Variants in PALS2 observed in about 807,000 individuals in gnomAD.
PALS2 encodes protein PALS2.
In PALS2, 27 loss-of-function variants were observed where a neutral mutation model predicts 61.6. The observed-to-expected ratio is 0.44, with a 90% confidence interval of 0.32 to 0.60. The LOEUF is 0.60. PALS2 is among the 20% of genes least tolerant of loss of function. The pLI, the probability that PALS2 is intolerant of heterozygous loss-of-function variation, is 0.05. For missense variants in PALS2, 554 were observed against 639.4 expected (o/e 0.87, Z 1.44); for synonymous variants, 236 against 218.6 (o/e 1.08, Z -0.70).
intron 1 of PALS2, among the ~76,000 whole-genome samples, chr7:24,590,186 A>G (rs1345494558): frequency 6.6e-6 from 1 of 152,144 alleles, no homozygotes; most frequent in African/African-American, 2.4e-5. Context: ...CTTGGGAGGA[A>G]CTGTGCTTAC....
At chr7:24,629,933 A>T (rs1318085313) in intron 2 of PALS2, among the ~76,000 whole-genome samples, 1 of 152,216 alleles carries the variant, frequency 6.6e-6, no homozygotes, top group Admixed American at 6.5e-5. Flanking sequence ...TTCCTCAAGG[A>T]TCTAGAACTA....
At chr7:24,599,667 G>T (rs537493066) in intron 1 of PALS2, among the ~76,000 whole-genome samples, 11 of 151,510 alleles carry the variant, frequency 7.3e-5, no homozygotes, top group African/African-American at 2.7e-4. Context: ...ACCGCACCTG[G>T]CTGTTTTTTG....
chr7:24,676,644 A>G (rs1293897089), intron 9 of PALS2, among the ~76,000 whole-genome samples: 1 of 151,920 alleles, frequency 6.6e-6, no homozygotes, highest in Non-Finnish European at 1.5e-5. Context: ...TCCTTTCCCC[A>G]TTGCTTGTTT....
At chr7:24,630,648 A>G (rs1278768962) in intron 2 of PALS2, among the ~76,000 whole-genome samples, 2 of 152,166 alleles carry the variant, frequency 1.3e-5, no homozygotes, top group East Asian at 1.9e-4. Context: ...AGAAGTCAAT[A>G]CCTGCCTTCA....
chr7:24,622,661 C>G (rs2529090), intron 1 of PALS2, among the ~76,000 whole-genome samples: 23,700 of 149,750 alleles, frequency 0.16, 1,907 homozygotes, highest in Non-Finnish European at 0.17. Context: ...AGTCTGGATG[C>G]CTTTTCTTTA....
chr7:24,604,591 C>T (rs1783831614), intron 1 of PALS2, among the ~76,000 whole-genome samples: 1 of 152,076 alleles, frequency 6.6e-6, no homozygotes, highest in Non-Finnish European at 1.5e-5. Context: ...TGGCCCCAAA[C>T]CATCTCAAAG....
intron 1 of PALS2, among the ~76,000 whole-genome samples, chr7:24,577,862 G>T (rs1360305396): frequency 6.6e-6 from 1 of 152,066 alleles, no homozygotes; most frequent in Non-Finnish European, 1.5e-5. Context: ...ATCAGTATCT[G>T]AAATTATGTT....
In PALS2 at chr7:24,693,395, A is replaced by C. The variant is rs1788565151; in HGVS notation, c.*5781A>C. 1 of 152,200 alleles carries C rather than the reference A, an allele frequency of 6.6e-6. No homozygotes were observed. The highest frequency in any genetic ancestry group is 2.1e-4 in the South Asian group (1 of 4,828). 9.4% of individuals were successfully genotyped at this position (152,200 alleles called of 1,614,324 possible). A position where few individuals can be genotyped will look rare whatever the true frequency, so the allele number is the denominator to read the frequency against. ...CTAGGAGCTTGGAGGAAGCCTAATT[A>C]ACTAAAACAGGAAAAAAGCATACTC... On this transcript the variant is annotated 3_prime_UTR_variant, in exon 12 of 12. Coordinates refer to ENST00000222644, the MANE Select transcript of PALS2 (RefSeq NM_001303037.2).
chr7:24,581,755 A>G (rs939831232), intron 1 of PALS2, among the ~76,000 whole-genome samples: 5 of 152,228 alleles, frequency 3.3e-5, no homozygotes, highest in Admixed American at 2.6e-4. Context: ...ACGTTATTCT[A>G]AAGGCAACTA....
chr7:24,645,381 C>A (rs1785780251), intron 3 of PALS2, among the ~76,000 whole-genome samples: 2 of 152,098 alleles, frequency 1.3e-5, no homozygotes, highest in Non-Finnish European at 2.9e-5. Flanking sequence ...GGAGTCTTTT[C>A]CCCGTTGTTT....
intron 5 of PALS2, among the ~76,000 whole-genome samples, chr7:24,661,856 G>A (rs1786737771): frequency 6.6e-6 from 1 of 152,092 alleles, no homozygotes; most frequent in South Asian, 2.1e-4. Context: ...CATCAATATG[G>A]AGAGGCATCC....
intron 11 of PALS2, among the ~76,000 whole-genome samples, chr7:24,681,177 G>A (rs550416664): frequency 6.6e-6 from 1 of 151,976 alleles, no homozygotes; most frequent in South Asian, 2.1e-4. Context: ...GTAAAGTGGG[G>A]TGTTCTGATG....
chr7:24,595,534 T>C (rs1783483248), intron 1 of PALS2, among the ~76,000 whole-genome samples: 1 of 135,314 alleles, frequency 7.4e-6, no homozygotes, highest in Non-Finnish European at 1.5e-5. Flanking sequence ...TAATATATAA[T>C]ATATAATATA....
Position 24,663,688 on chromosome 7 carries a change from G to A in PALS2, c.750G>A (p.Gln250=). The change falls in exon 6 of 12, where the codon CAG becomes CAA. Residue 250 remains glutamine (Q), a synonymous_variant. Transcript: ENST00000222644. Reference sequence around the variant, plus strand: ...AGTTTTCCAAAGGAGAGATTCTTCAGATTGTAAATAGAGAAGATCCAAATT... The same window carrying A: ...AGTTTTCCAAAGGAGAGATTCTTCAAATTGTAAATAGAGAAGATCCAAATT... ...GLKFSKGEIL[Q]IVNREDPNWW... is the part of the protein sequence containing the mutation. 6.2e-7 allele frequency: 1 copy of A among 1,610,162 alleles called. No individual in the cohort carries two copies. The highest frequency in any genetic ancestry group is 8.5e-7 in the Non-Finnish European group (1 of 1,176,962).
intron 1 of PALS2, among the ~76,000 whole-genome samples, chr7:24,599,793 C>G (rs147007122): frequency 0.016 from 2,453 of 152,140 alleles, 80 homozygotes; most frequent in African/African-American, 0.057. Flanking sequence ...GTGTGAGCCA[C>G]TGCACCCAGC....
rs1295107268 is a variant in PALS2 at position 24,692,068 on chromosome 7, T to C, written c.*4454T>C. ...GCATTTTTGTTCTAACGTTTTGCAA[T>C]TTATATTCTTTTTAAAATATTTCCC... On this transcript the variant is annotated 3_prime_UTR_variant, in exon 12 of 12. Coordinates refer to ENST00000222644, the MANE Select transcript of PALS2 (RefSeq NM_001303037.2). 6.6e-6 allele frequency: 1 copy of C among 152,154 alleles called. No homozygotes were observed. The highest frequency in any genetic ancestry group is 6.5e-5 in the Admixed American group (1 of 15,278). 9.4% of individuals were successfully genotyped at this position (152,154 alleles called of 1,614,324 possible). A position where few individuals can be genotyped will look rare whatever the true frequency, so the allele number is the denominator to read the frequency against.
chr7:24,606,971 A>G lies in PALS2; in HGVS notation c.-2-16695A>G, dbSNP rs557972242. The stretch of plus-strand genomic sequence containing the variant: ...GTGCTTTTAATTTTGTGCATGAAAC[A>G]AAGTTTTGACTATGACCTGTCACGT... On this transcript the variant is annotated intron_variant, in intron 1 of 11. Coordinates refer to ENST00000222644, the MANE Select transcript of PALS2 (RefSeq NM_001303037.2). Among the ~76,000 whole-genome samples, 13 of 152,310 alleles carry G rather than the reference A, an allele frequency of 8.5e-5. No individual in the cohort carries two copies. In the South Asian group the frequency reaches 2.5e-3, roughly 29 times the overall value.
chr7:24,669,219 A>G (rs1787179844), intron 9 of PALS2, among the ~76,000 whole-genome samples: 1 of 152,214 alleles, frequency 6.6e-6, no homozygotes, highest in Non-Finnish European at 1.5e-5. Flanking sequence ...ACTGATGAGA[A>G]GTATAACCAT....
chr7:24,604,506 A>C lies in PALS2; in HGVS notation c.-2-19160A>C, dbSNP rs111905295. 3.6e-3 allele frequency among the ~76,000 whole-genome samples: 556 copies of C among 152,332 alleles called. 3 individuals carry two copies. The highest frequency in any genetic ancestry group is 7.5e-3 in the South Asian group (36 of 4,828). Reference sequence around the variant, plus strand: ...GGAGACATGTGGGACAATGTCAAACATTCCAACACACATGTAATGGGAGTT... The same window carrying C: ...GGAGACATGTGGGACAATGTCAAACCTTCCAACACACATGTAATGGGAGTT... On this transcript the variant is annotated intron_variant, in intron 1 of 11. Transcript: ENST00000222644.
Sources: allele counts gnomAD v4.1 joint callset (sites outside exome capture counted in the v4.1 genomes callset), GRCh38; gene constraint gnomAD v4.1.1; transcripts MANE v1.5; gene names NCBI Gene and HGNC (gene_info 2026-07-23, HGNC 2026-07-21).